EVL: variants seen among roughly 807,000 people sequenced by gnomAD.
The protein encoded by EVL is ena/VASP-like protein.
EVL carries 21 observed loss-of-function variants against 59.6 expected under a neutral mutation model. That is an observed-to-expected ratio of 0.35 (90% CI 0.25 to 0.51). The LOEUF (loss-of-function observed/expected upper bound fraction) is 0.51, where lower values mean the gene tolerates loss of function less well. Among genes scored for constraint, EVL ranks in the 20% least tolerant of loss-of-function variants. The pLI, the probability that EVL is intolerant of heterozygous loss-of-function variation, is 0.97. For missense variants in EVL, 462 were observed against 546.6 expected, an observed-to-expected ratio of 0.85 and a Z score of 1.54; for synonymous variants, 198 against 203.5, an observed-to-expected ratio of 0.97 and a Z score of 0.23.
rs1176119737 is a variant in EVL at position 100,108,465 on chromosome 14, C to T, written c.358+10807C>T. ...CCTGAGGGGAACAGGACGGCAAGCC[C>T]CTGGCCTCCTGCCTGCTCCCAGCTG... is the stretch of plus-strand genomic sequence containing the variant. On this transcript the variant is annotated intron_variant, in intron 3 of 13. Transcript: ENST00000392920. The surrounding 1 kb of genome is among the most constrained non-coding windows in gnomAD (Gnocchi z 4.1). 6.6e-6 allele frequency among the ~76,000 whole-genome samples: 1 copy of T among 152,212 alleles called. No homozygotes were observed. Among genetic ancestry groups the T allele is most frequent in the Non-Finnish European group, 1.5e-5 (1 of 68,036 alleles).
chr14:100,009,750 C>T (rs1354117859), intron 1 of EVL, among the ~76,000 whole-genome samples: 1 of 152,066 alleles, frequency 6.6e-6, no homozygotes, highest in African/African-American at 2.4e-5. Flanking sequence ...AAGGTGGTCA[C>T]GGTACAGCTT....
At chr14:100,128,421 C>A in intron 5 of EVL, 98 bp from the exon 6 acceptor site, 1 of 1,238,256 alleles carries the variant, frequency 8.1e-7, no homozygotes, top group Non-Finnish European at 1.2e-6. Flanking sequence ...GGGGAGCAGC[C>A]TGCCCCTGTC....
chr14:100,128,807 A>G, intron 6 of EVL, 59 bp downstream of exon 6: 1 of 1,463,486 alleles, frequency 6.8e-7, no homozygotes, highest in Non-Finnish European at 9.4e-7. Context: ...TGCCATCTGC[A>G]GAGCGCTTGT....
At chr14:100,129,748 C>T (rs1888313826) in intron 7 of EVL, 64 bp downstream of exon 7, 20 of 1,460,392 alleles carry the variant, frequency 1.4e-5, no homozygotes, top group Non-Finnish European at 1.6e-5. Context: ...CCGCCCCCAG[C>T]GCTGCACAGA....
intron 1 of EVL, among the ~76,000 whole-genome samples, chr14:99,980,725 G>A (rs1353775994): frequency 6.6e-6 from 1 of 152,236 alleles, no homozygotes; most frequent in Non-Finnish European, 1.5e-5. Flanking sequence ...GGGATTCCGT[G>A]TGTATCTTTC....
At chr14:100,082,877 G>A (rs2062342591) in intron 1 of EVL, among the ~76,000 whole-genome samples, 1 of 152,216 alleles carries the variant, frequency 6.6e-6, no homozygotes, top group Admixed American at 6.5e-5. Flanking sequence ...GGGCAGGAAT[G>A]GGCTGGCACT....
chr14:100,030,827 T>G (rs1041586785), intron 1 of EVL, among the ~76,000 whole-genome samples: 2 of 152,232 alleles, frequency 1.3e-5, no homozygotes, highest in African/African-American at 4.8e-5. Flanking sequence ...CCTGGTTCTC[T>G]GAGTCTGCAG....
rs565941764 is a variant in EVL, at chr14:99,972,846, C to G, written c.5+789C>G. On this transcript the variant is annotated intron_variant, in intron 1 of 13. Coordinates refer to the EVL transcript ENST00000402714. This position sits in a 1 kb window ranked among gnomAD's most constrained non-coding sequence, Gnocchi z 4.4. ...AATTTTGCTTTCTGAACACGTATCT[C>G]GTAAAAACTGTAGTTTGTAACTATA... 2.2e-4 allele frequency among the ~76,000 whole-genome samples: 33 copies of G among 151,860 alleles called. No homozygotes were observed. The highest frequency in any genetic ancestry group is 1.2e-3 in the South Asian group (6 of 4,812).
chr14:100,077,581 T>A (rs888182339), intron 1 of EVL, among the ~76,000 whole-genome samples: 1 of 152,130 alleles, frequency 6.6e-6, no homozygotes, highest in Admixed American at 6.5e-5. Flanking sequence ...ACAGAGCCCA[T>A]GAGGAGACGT....
upstream of EVL, among the ~76,000 whole-genome samples, chr14:100,061,403 C>CAAAAAAAAAAAAAAAA (rs56656380): frequency 1.0e-4 from 2 of 19,088 alleles, no homozygotes; most frequent in Non-Finnish European, 7.9e-5. Context: ...GACCCTGTCT[C>CAAAAAAAAAAAAAAAA]AAAAAAAAAA....
chr14:100,071,158 C>T (rs1410722813), intron 1 of EVL, among the ~76,000 whole-genome samples: 1 of 152,060 alleles, frequency 6.6e-6, no homozygotes, highest in African/African-American at 2.4e-5. Flanking sequence ...ATGTGGGCAA[C>T]CAATTTGGAT....
At chr14:100,120,206 ACCT>A (rs1277942700) in intron 3 of EVL, among the ~76,000 whole-genome samples, 1 of 151,960 alleles carries the variant, frequency 6.6e-6, no homozygotes, top group Non-Finnish European at 1.5e-5. Flanking sequence ...TCCGTGGCTC[ACCT>A]CCTAGGTTTT....
intron 1 of EVL, among the ~76,000 whole-genome samples, chr14:100,034,994 T>C (rs1595594861): frequency 1.3e-5 from 2 of 152,232 alleles, no homozygotes; most frequent in South Asian, 2.1e-4. Flanking sequence ...TGTCCTAGTA[T>C]GTAGCACAGC....
intron 1 of EVL, among the ~76,000 whole-genome samples, chr14:100,070,298 A>G (rs1356356838): frequency 6.6e-6 from 1 of 152,154 alleles, no homozygotes; most frequent in East Asian, 1.9e-4. Flanking sequence ...CCTACAAAGT[A>G]TCGTATTCCA....
intron 1 of EVL, among the ~76,000 whole-genome samples, chr14:100,002,160 A>G (rs1348751442): frequency 6.6e-6 from 1 of 152,214 alleles, no homozygotes; most frequent in Non-Finnish European, 1.5e-5. Context: ...CAGTCCATGC[A>G]GTTAATTCCT....
chr14:100,104,902 CTT>C (rs568203851), intron 3 of EVL, among the ~76,000 whole-genome samples: 53,620 of 99,398 alleles, frequency 0.54, 14,314 homozygotes, highest in South Asian at 0.58. Context: ...CCTCTCTTTA[CTT>C]TTTTTTTTTT....
chr14:100,134,165 A>T (rs750579196), intron 8 of EVL, among the ~76,000 whole-genome samples: 2 of 152,232 alleles, frequency 1.3e-5, no homozygotes, highest in Non-Finnish European at 2.9e-5. Context: ...TGTGGAGTTT[A>T]GCCAACTGAC....
intron 3 of EVL, among the ~76,000 whole-genome samples, chr14:100,115,605 T>C (rs1194654040): frequency 1.3e-5 from 2 of 152,204 alleles, no homozygotes; most frequent in African/African-American, 4.8e-5. Context: ...CTTTACCTAT[T>C]GGTCACCATG....
intron 1 of EVL, among the ~76,000 whole-genome samples, chr14:100,056,237 T>C (rs1232057069): frequency 6.6e-6 from 1 of 151,776 alleles, no homozygotes; most frequent in Admixed American, 6.6e-5. Flanking sequence ...TTTTTGCTTC[T>C]GAGATGCCTT....
Sources: allele counts gnomAD v4.1 joint callset (sites outside exome capture counted in the v4.1 genomes callset), GRCh38; gene constraint gnomAD v4.1.1; non-coding constraint Gnocchi (gnomAD v3.1); transcripts MANE v1.5; gene names NCBI Gene and HGNC (gene_info 2026-07-23, HGNC 2026-07-21).